The following TGFBI variants were observed in gnomAD, a reference collection of about 807,000 sequenced individuals.
TGFBI encodes the protein transforming growth factor-beta-induced protein ig-h3.
Under a neutral mutation model 73.7 loss-of-function variants are expected in TGFBI, and 50 were observed. The observed-to-expected ratio is 0.68, with a 90% CI of 0.54 to 0.86. The LOEUF (loss-of-function observed/expected upper bound fraction) is 0.86. Among genes scored for constraint, TGFBI ranks in the 40% least tolerant of loss-of-function variants. TGFBI has a pLI of 0.00. For missense variants in TGFBI, 839 were observed against 877.0 expected (o/e 0.96, Z 0.55); for synonymous variants, 362 against 360.5 (o/e 1.00, Z -0.05).
chr5:136,054,878 A>C lies in TGFBI; in HGVS notation c.1410+17A>C. The C allele has an allele frequency of 6.2e-7, 1 of 1,611,852 alleles. No individual in the cohort carries two copies. Among genetic ancestry groups the C allele is most frequent in the Non-Finnish European group, 8.5e-7 (1 of 1,178,358 alleles). ...TATCGTAATGTAAGTTCTGGGTCCT[A>C]AATCATGCTCCTGGGAAGCTCCTTA... On this transcript the variant is annotated intron_variant, in intron 10 of 16. Coordinates refer to ENST00000442011, the MANE Select transcript of TGFBI (RefSeq NM_000358.3).
Position 136,047,288 on chromosome 5 carries a change from CT to C in TGFBI, c.640del (p.Cys214ValfsTer5). ...TCTCTGGGCAGATTGTAACTGTGAA[CT>C]GTGCCCGGCTGCTGAAAGCCGACCA... ...HYPNGIVTVN[C>X]ARLLKADHHA... On this transcript the variant is annotated frameshift_variant, in exon 6 of 17. Transcript: ENST00000442011. LOFTEE classifies it high-confidence loss of function. The C allele has an allele frequency of 6.2e-7, 1 of 1,613,842 alleles. No homozygotes were observed. Among genetic ancestry groups the C allele is most frequent in the Non-Finnish European group, 8.5e-7 (1 of 1,179,830 alleles).
chr5:136,054,897 C>T (rs1751601026), intron 10 of TGFBI, 36 bp downstream of exon 10: 1 of 1,605,086 alleles, frequency 6.2e-7, no homozygotes, highest in Non-Finnish European at 8.5e-7. Flanking sequence ...TCCTGGGAAG[C>T]TCCTTACTGT....
chr5:136,055,693 A>C lies in TGFBI; in HGVS notation c.1424A>C (p.Glu475Ala). The stretch of plus-strand genomic sequence containing the variant: ...TCTTCTGTGCAGAGCCTCTGCATTG[A>C]GAACAGCTGCATCGCGGCCCACGAC... ...VFVYRNSLCI[E>A]NSCIAAHDKR... Residue 475 changes from glutamate to alanine, a missense_variant, in exon 11 of 17, where the codon GAG becomes GCG. By Grantham distance (107) the Glu-to-Ala change is moderately radical. Transcript: ENST00000442011. 1 of 1,606,122 alleles carries C rather than the reference A, an allele frequency of 6.2e-7. No individual in the cohort carries two copies.
chr5:136,046,436 G>A lies in TGFBI; in HGVS notation c.400G>A (p.Gly134Arg). 4 of 1,613,598 alleles carry A rather than the reference G, an allele frequency of 2.5e-6. No homozygotes were observed. The highest frequency in any genetic ancestry group is 1.1e-5 in the South Asian group (1 of 91,054). The change falls in exon 4 of 17, where the codon GGG (glycine) becomes AGG (arginine). Residue 134 changes from glycine to arginine, a missense_variant. Gly to Arg is a moderately radical substitution (Grantham distance 125, BLOSUM62 -2). Coordinates refer to ENST00000442011, the MANE Select transcript of TGFBI (RefSeq NM_000358.3). Reference protein sequence around the residue: ...RTEKLRPEMEGPGSFTIFAPS... With the variant: ...RTEKLRPEMERPGSFTIFAPS... ...GGAGAAGCTGAGGCCTGAGATGGAGGGGCCCGGCAGCTTCACCATCTTCGC... is the reference window on the plus strand; with the variant it reads ...GGAGAAGCTGAGGCCTGAGATGGAGAGGCCCGGCAGCTTCACCATCTTCGC...
At chr5:136,046,010 G>A (rs1027001687) in intron 3 of TGFBI, 5 of 211,662 alleles carry the variant, frequency 2.4e-5, no homozygotes, top group Admixed American at 5.6e-5. Context: ...AGACTAGTTT[G>A]TAATTAGGAT....
At chr5:136,043,163 C>T (rs931101407) in intron 2 of TGFBI, among the ~76,000 whole-genome samples, 4 of 152,206 alleles carry the variant, frequency 2.6e-5, no homozygotes, top group South Asian at 4.1e-4. Flanking sequence ...ACCGAAGGTA[C>T]AGGGTAGCCT....
chr5:136,061,599 T>A lies in TGFBI; in HGVS notation c.1986+20T>A, dbSNP rs1475056829. On this transcript the variant is annotated intron_variant, in intron 15 of 16. Coordinates refer to ENST00000442011, the MANE Select transcript of TGFBI (RefSeq NM_000358.3). ...TCCAGGGTAAGATGCCTGCTAGGTT[T>A]GCGCCTAGCCTGAGCAGCCTCAGGT... 3 of 1,606,944 alleles carry A rather than the reference T, an allele frequency of 1.9e-6. No homozygotes were observed. Among genetic ancestry groups the A allele is most frequent in the Non-Finnish European group, 2.6e-6 (3 of 1,173,816 alleles).
intron 13 of TGFBI, 147 bp from the exon 14 acceptor site, chr5:136,060,687 G>T (rs536338149): frequency 6.7e-5 from 36 of 537,118 alleles, no homozygotes; most frequent in African/African-American, 6.4e-4. Context: ...TCCAGCCTGG[G>T]CGACAAGATT....
At chr5:136,058,911 A>G in intron 12 of TGFBI, 179 bp from the exon 13 acceptor site, 1 of 712,506 alleles carries the variant, frequency 1.4e-6, no homozygotes, top group Non-Finnish European at 2.2e-6. Flanking sequence ...TCTGACCATT[A>G]GACAGATTGT....
In TGFBI at chr5:136,054,757, C is replaced by A. The variant is rs200298786; in HGVS notation, c.1306C>A (p.Arg436=). ...TGATGCCCATACAAGGAATTTGCTTCGGAACCACATAATTAAAGACCAGCT... is the reference window on the plus strand; with the variant it reads ...TGATGCCCATACAAGGAATTTGCTTAGGAACCACATAATTAAAGACCAGCT... ...PIDAHTRNLL[R]NHIIKDQLAS... is the part of the protein sequence containing the mutation. Residue 436 remains arginine, a synonymous_variant, in exon 10 of 17, where the codon CGG becomes AGG. Coordinates refer to ENST00000442011, the MANE Select transcript of TGFBI (RefSeq NM_000358.3). 6 of 1,613,934 alleles carry A rather than the reference C, an allele frequency of 3.7e-6. No individual in the cohort carries two copies. The highest frequency in any genetic ancestry group is 5.1e-6 in the Non-Finnish European group (6 of 1,179,874).
chr5:136,030,201 C>T (rs1751091578), intron 1 of TGFBI, among the ~76,000 whole-genome samples: 2 of 152,190 alleles, frequency 1.3e-5, no homozygotes, highest in South Asian at 2.1e-4. Context: ...TAAATACCAT[C>T]GGGGTCTGGC....
rs182693600 is a variant in TGFBI at position 136,041,472 on chromosome 5, G to A, written c.234-2586G>A. Among the ~76,000 whole-genome samples the A allele has an allele frequency of 1.6e-4, 24 of 152,300 alleles. No homozygotes were observed. In the East Asian group the frequency reaches 4.0e-3, roughly 26 times the overall value. On this transcript the variant is annotated intron_variant, in intron 2 of 16. Transcript: ENST00000442011. ...CTTGATCACTTTGGAGACACCCCCT[G>A]TGTCTTCTAGATGTCAGACTTTCCA...
chr5:136,039,832 G>A (rs1751298085), intron 2 of TGFBI, among the ~76,000 whole-genome samples: 1 of 152,192 alleles, frequency 6.6e-6, no homozygotes, highest in Non-Finnish European at 1.5e-5. Context: ...TTCAGAATCA[G>A]CTCAGCTGTG....
At chr5:136,058,166 T>C (rs1751684579) in intron 12 of TGFBI, among the ~76,000 whole-genome samples, 1 of 152,118 alleles carries the variant, frequency 6.6e-6, no homozygotes, top group Non-Finnish European at 1.5e-5. Context: ...CAGCTCCAGG[T>C]TGTGGATGTT....
intron 3 of TGFBI, 105 bp from the exon 4 acceptor site, chr5:136,046,230 G>T: frequency 1.4e-6 from 2 of 1,392,426 alleles, no homozygotes; most frequent in Non-Finnish European, 2.0e-6. Context: ...ATGCCTCCTC[G>T]TCCTCTCCAC....
Position 136,055,706 on chromosome 5 carries a change from C to G in TGFBI, c.1437C>G (p.Ile479Met). 1 of 1,609,668 alleles carries G rather than the reference C, an allele frequency of 6.2e-7. No homozygotes were observed. Among genetic ancestry groups the G allele is most frequent in the Non-Finnish European group, 8.5e-7 (1 of 1,176,636 alleles). Residue 479 changes from isoleucine (I) to methionine (M), a missense_variant, in exon 11 of 17, where the codon ATC becomes ATG. Ile to Met is a conservative substitution (Grantham distance 10). Transcript: ENST00000442011. ...GCCTCTGCATTGAGAACAGCTGCATCGCGGCCCACGACAAGAGGGGGAGGT... is the reference window on the plus strand; with the variant it reads ...GCCTCTGCATTGAGAACAGCTGCATGGCGGCCCACGACAAGAGGGGGAGGT... ...RNSLCIENSC[I>M]AAHDKRGRYG...
intron 2 of TGFBI, among the ~76,000 whole-genome samples, chr5:136,041,999 G>A (rs1751347120): frequency 6.6e-6 from 1 of 152,180 alleles, no homozygotes; most frequent in African/African-American, 2.4e-5. Flanking sequence ...CCTGACATGA[G>A]GACTTTGAGG....
chr5:136,057,845 C>T (rs1751676744), intron 12 of TGFBI, among the ~76,000 whole-genome samples: 1 of 152,108 alleles, frequency 6.6e-6, no homozygotes, highest in Non-Finnish European at 1.5e-5. Flanking sequence ...ACGTATGTTC[C>T]TAAGGAGAGG....
At chr5:136,054,580 G>A in intron 9 of TGFBI, 136 bp from the exon 10 acceptor site, 1 of 1,103,428 alleles carries the variant, frequency 9.1e-7, no homozygotes, top group Non-Finnish European at 1.4e-6. Context: ...AAGGAATATT[G>A]GCAGCTTCAC....
Sources: gnomAD v4.1 joint callset for allele counts (sites outside exome capture counted in the v4.1 genomes callset) on GRCh38, gnomAD v4.1.1 for gene constraint, MANE v1.5 for transcripts, NCBI Gene and HGNC (gene_info 2026-07-23, HGNC 2026-07-21) for gene names.